SLC9C1: variants seen among roughly 807,000 people sequenced by gnomAD.
SLC9C1 encodes sodium/hydrogen exchanger 10.
Under a neutral mutation model 140.9 loss-of-function variants are expected in SLC9C1, and 97 were observed. The observed-to-expected ratio is 0.69, with a 90% CI of 0.58 to 0.82. The LOEUF (loss-of-function observed/expected upper bound fraction) is 0.82, where lower values mean the gene tolerates loss of function less well. SLC9C1 is among the 40% of genes least tolerant of loss of function. The pLI is 0.00. For missense variants in SLC9C1, 1,340 were observed against 1,389.3 expected, an observed-to-expected ratio of 0.96 and a Z score of 0.56; for synonymous variants, 440 against 442.6, an observed-to-expected ratio of 0.99 and a Z score of 0.07.
intron 26 of SLC9C1, among the ~76,000 whole-genome samples, chr3:112,162,969 G>A (rs995822073): frequency 6.8e-5 from 9 of 132,018 alleles, no homozygotes; most frequent in Non-Finnish European, 1.3e-4. Flanking sequence ...GGTCTATTCA[G>A]AGATTCAACT....
intron 25 of SLC9C1, among the ~76,000 whole-genome samples, chr3:112,167,900 A>C (rs1280594937): frequency 6.6e-6 from 1 of 152,088 alleles, no homozygotes; most frequent in African/African-American, 2.4e-5. Flanking sequence ...TTACATGTTC[A>C]AGGATAGAGG....
intron 20 of SLC9C1, among the ~76,000 whole-genome samples, chr3:112,188,245 T>G (rs2107983176): frequency 6.6e-6 from 1 of 152,296 alleles, no homozygotes; most frequent in South Asian, 2.1e-4. Context: ...ATTTTTTTAT[T>G]ATTATTATAT....
At chr3:112,279,841 T>TC (rs2080312080) in intron 3 of SLC9C1, among the ~76,000 whole-genome samples, 1 of 152,192 alleles carries the variant, frequency 6.6e-6, no homozygotes, top group South Asian at 2.1e-4. Flanking sequence ...AAACCCTTTT[T>TC]CTCTGGTCCA....
Position 112,286,803 on chromosome 3 carries a change from A to T in SLC9C1, c.-12T>A. On this transcript the variant is annotated 5_prime_UTR_variant, in exon 2 of 29. Transcript: ENST00000305815. ...AATATTCCAGCCATGTTTCAGAAAA[A>T]TTTTTATGCAGATTTATGTTAGAAG... The T allele has an allele frequency of 6.2e-7, 1 of 1,600,068 alleles. No individual in the cohort carries two copies. Among genetic ancestry groups the T allele is most frequent in the Non-Finnish European group, 8.5e-7 (1 of 1,169,740 alleles).
intron 4 of SLC9C1, 25 bp from the exon 5 acceptor site, chr3:112,277,885 A>G (rs1447279501): frequency 6.4e-7 from 1 of 1,560,446 alleles, no homozygotes; most frequent in Non-Finnish European, 8.7e-7. Context: ...TACAATTAGA[A>G]AAATCAGACT....
At chr3:112,151,763 A>T in intron 28 of SLC9C1, 94 bp downstream of exon 28, 1 of 861,956 alleles carries the variant, frequency 1.2e-6, no homozygotes. Flanking sequence ...TATAATTCAC[A>T]CTATCACATA....
intron 15 of SLC9C1, among the ~76,000 whole-genome samples, chr3:112,211,893 C>T (rs868679948): frequency 7.0e-4 from 107 of 152,328 alleles, no homozygotes; most frequent in Middle Eastern, 6.8e-3. Context: ...GATCTGAGAA[C>T]GGACAGACTG....
At chr3:112,193,258 A>G (rs1457468779) in intron 20 of SLC9C1, among the ~76,000 whole-genome samples, 1 of 152,182 alleles carries the variant, frequency 6.6e-6, no homozygotes, top group Non-Finnish European at 1.5e-5. Flanking sequence ...CTGGATCACT[A>G]GGGTTGGAGC....
intron 28 of SLC9C1, chr3:112,151,259 A>G (rs1053348342): frequency 2.9e-5 from 14 of 488,532 alleles, no homozygotes; most frequent in African/African-American, 5.9e-5. Context: ...ATATTTCCCC[A>G]TAGATACATT....
At chr3:112,168,532 TAC>T (rs1464871714) in intron 25 of SLC9C1, among the ~76,000 whole-genome samples, 1 of 152,238 alleles carries the variant, frequency 6.6e-6, no homozygotes, top group Non-Finnish European at 1.5e-5. Flanking sequence ...GCATTGTTGA[TAC>T]AGTTTTTCTG....
Position 112,219,729 on chromosome 3 carries a change from C to A in SLC9C1, c.1670+1399G>T, listed in dbSNP as rs142468904. On this transcript the variant is annotated intron_variant, in intron 14 of 28. Coordinates refer to ENST00000305815, the MANE Select transcript of SLC9C1 (RefSeq NM_183061.3). ...GAGTAGCTGGGACTACAGGTGCATG[C>A]CAGCGTGCCTGGCTAATTTTTTTGT... Among the ~76,000 whole-genome samples, 608 of 152,138 alleles carry A rather than the reference C, an allele frequency of 4.0e-3. 1 individual carries two copies. Among genetic ancestry groups the A allele is most frequent in the African/African-American group, 0.014 (590 of 41,482 alleles).
At chr3:112,148,183 T>C (rs2074859644) in intron 28 of SLC9C1, among the ~76,000 whole-genome samples, 1 of 152,220 alleles carries the variant, frequency 6.6e-6, no homozygotes, top group African/African-American at 2.4e-5. Flanking sequence ...AAGGTTTCTT[T>C]GTGTTGATTT....
intron 14 of SLC9C1, among the ~76,000 whole-genome samples, chr3:112,220,013 T>C (rs958695): frequency 0.45 from 69,072 of 151,948 alleles, 16,196 homozygotes; most frequent in East Asian, 0.63. Flanking sequence ...TTGATCACAT[T>C]TGCCCAGCCC....
rs2079857101 is a variant in SLC9C1 at position 112,264,272 on chromosome 3, T to C, written c.950A>G (p.His317Arg). ...AACAAATTCTATATACAAATATGTA[T>C]GTGCAGGAATTAGAAGTCCAAAGAA... is the stretch of plus-strand genomic sequence containing the variant. Reference protein sequence around the residue: ...FTFFGLLIPAHTYLYIEFVDI... With the variant: ...FTFFGLLIPARTYLYIEFVDI... The change falls in exon 9 of 29, where the codon CAT (histidine) becomes CGT (arginine). Residue 317 changes from histidine to arginine, a missense_variant. By Grantham distance (29) the His-to-Arg change is conservative. Transcript: ENST00000305815. 2.8e-6 allele frequency: 4 copies of C among 1,446,534 alleles called. No individual in the cohort carries two copies. Among genetic ancestry groups the C allele is most frequent in the South Asian group, 1.5e-5 (1 of 66,206 alleles). The allele number at this position is 1,446,534 out of a possible 1,614,324, so 89.6% of individuals were successfully genotyped here. A position where few individuals can be genotyped will look rare whatever the true frequency, so the allele number is the denominator to read the frequency against.
At chr3:112,286,318 T>A (rs1486068625) in intron 2 of SLC9C1, among the ~76,000 whole-genome samples, 1 of 152,204 alleles carries the variant, frequency 6.6e-6, no homozygotes, top group Non-Finnish European at 1.5e-5. Context: ...TTCTTTTTGT[T>A]TATACCATGT....
intron 14 of SLC9C1, among the ~76,000 whole-genome samples, chr3:112,219,019 A>G (rs1221889023): frequency 6.6e-6 from 1 of 152,212 alleles, no homozygotes; most frequent in African/African-American, 2.4e-5. Flanking sequence ...CCTAACCTGC[A>G]TCGTGAATAT....
At chr3:112,271,035 T>G (rs1024555440) in intron 6 of SLC9C1, among the ~76,000 whole-genome samples, 2 of 152,078 alleles carry the variant, frequency 1.3e-5, no homozygotes, top group Non-Finnish European at 2.9e-5. Flanking sequence ...TGGATGAACC[T>G]AGAGGACATT....
Position 112,258,300 on chromosome 3 carries a change from C to CTATCCT in SLC9C1, c.1197+4623_1197+4624insAGGATA, listed in dbSNP as rs1364931093. Among the ~76,000 whole-genome samples the CTATCCT allele has an allele frequency of 1.5e-4, 23 of 152,298 alleles. No individual in the cohort carries two copies. In the East Asian group the frequency reaches 4.2e-3, roughly 28 times the overall value. The stretch of plus-strand genomic sequence containing the variant: ...AAGATATAGAATTAACCTAAATGCC[C>CTATCCT]ACCATGGCAGATTGGATAAAGAAAA... On this transcript the variant is annotated intron_variant, in intron 10 of 28. Coordinates refer to ENST00000305815, the MANE Select transcript of SLC9C1 (RefSeq NM_183061.3).
At chr3:112,168,799 G>C in intron 25 of SLC9C1, 78 bp downstream of exon 25, 1 of 1,294,792 alleles carries the variant, frequency 7.7e-7, no homozygotes, top group Non-Finnish European at 1.1e-6. Context: ...TAAGATTATA[G>C]TGACAGTTTT....
Sources: gnomAD v4.1 joint callset for allele counts (sites outside exome capture counted in the v4.1 genomes callset) on GRCh38, gnomAD v4.1.1 for gene constraint, MANE v1.5 for transcripts, NCBI Gene and HGNC (gene_info 2026-07-23, HGNC 2026-07-21) for gene names.